DLC1: variants seen among roughly 807,000 people sequenced by gnomAD.
DLC1 encodes the protein rho GTPase-activating protein 7.
DLC1 carries 54 observed loss-of-function variants against 140.3 expected under a neutral mutation model. The observed-to-expected ratio is 0.38, with a 90% CI of 0.31 to 0.48. The LOEUF (loss-of-function observed/expected upper bound fraction) is 0.48, where lower values mean the gene tolerates loss of function less well. DLC1 is among the 20% of genes least tolerant of loss of function. The pLI is 0.96. For synonymous variants in DLC1, 986 were observed against 728.1 expected (o/e 1.35, Z -5.70); for missense variants, 2,536 against 1,907.0 (o/e 1.33, Z -6.14).
At chr8:13,088,794 T>A in intron 15 of DLC1, 90 bp from the exon 16 acceptor site, 4 of 1,068,734 alleles carry the variant, frequency 3.7e-6, no homozygotes, top group Non-Finnish European at 5.5e-6. Flanking sequence ...ACAATTTTAG[T>A]TACATATAAT....
intron 1 of DLC1, among the ~76,000 whole-genome samples, chr8:13,511,044 A>G (rs1802338890): frequency 6.6e-6 from 1 of 151,886 alleles, no homozygotes; most frequent in Admixed American, 6.6e-5. Flanking sequence ...ATAAGTGTTG[A>G]TAATTCCTGG....
intron 1 of DLC1, chr8:13,557,906 C>G (rs1259724459): frequency 1.3e-5 from 2 of 152,178 alleles, no homozygotes; most frequent in African/African-American, 4.8e-5. Context: ...GGGGCATACA[C>G]ACAAACCAGA....
chr8:13,185,863 C>T (rs1480257030), intron 5 of DLC1, among the ~76,000 whole-genome samples: 1 of 152,172 alleles, frequency 6.6e-6, no homozygotes, highest in Non-Finnish European at 1.5e-5. Flanking sequence ...AATCTCTCAG[C>T]ATTTGCTTGT....
At chr8:13,365,807 A>C (rs1835453752) in intron 4 of DLC1, among the ~76,000 whole-genome samples, 1 of 152,172 alleles carries the variant, frequency 6.6e-6, no homozygotes, top group Non-Finnish European at 1.5e-5. Flanking sequence ...TGCTAATGGA[A>C]ATGTCAACCT....
chr8:13,478,070 A>G (rs1296636361), intron 2 of DLC1, among the ~76,000 whole-genome samples: 5 of 152,216 alleles, frequency 3.3e-5, no homozygotes, highest in Non-Finnish European at 7.3e-5. Context: ...TCGCATTGCT[A>G]TAAAGAAATA....
chr8:13,406,048 C>A (rs369717647), intron 2 of DLC1, among the ~76,000 whole-genome samples: 2 of 146,626 alleles, frequency 1.4e-5, no homozygotes, highest in East Asian at 4.0e-4. Flanking sequence ...GCTCTGTCTC[C>A]CAGGCTGGAG....
intron 2 of DLC1, among the ~76,000 whole-genome samples, chr8:13,456,047 T>C (rs571342805): frequency 1.3e-5 from 2 of 152,322 alleles, no homozygotes; most frequent in South Asian, 4.1e-4. Context: ...TTCTAAAGAA[T>C]TAAAAAGCTT....
chr8:13,435,448 G>A (rs1358858583), intron 2 of DLC1, among the ~76,000 whole-genome samples: 4 of 152,110 alleles, frequency 2.6e-5, no homozygotes, highest in Non-Finnish European at 5.9e-5. Context: ...CGAGTAGCTG[G>A]GATTACAGGC....
chr8:13,417,658 C>T (rs528275763), intron 2 of DLC1, among the ~76,000 whole-genome samples: 2 of 152,078 alleles, frequency 1.3e-5, no homozygotes, highest in African/African-American at 2.4e-5. Context: ...GTGAATAGTG[C>T]CGCAATAAAC....
intron 1 of DLC1, among the ~76,000 whole-genome samples, chr8:13,542,898 A>T (rs1360259970): frequency 6.6e-6 from 1 of 152,120 alleles, no homozygotes; most frequent in Admixed American, 6.5e-5. Context: ...CTAGATAATT[A>T]CGTAGTCTAT....
At chr8:13,146,396 T>C (rs141500630) in intron 5 of DLC1, among the ~76,000 whole-genome samples, 8 of 152,270 alleles carry the variant, frequency 5.3e-5, no homozygotes, top group African/African-American at 1.9e-4. Context: ...ATTGTAGTGT[T>C]ATTATTGAAA....
intron 5 of DLC1, among the ~76,000 whole-genome samples, chr8:13,146,534 TTAATATTATTAA>T (rs991463921): frequency 1.3e-5 from 2 of 151,770 alleles, no homozygotes; most frequent in African/African-American, 4.8e-5. Flanking sequence ...CCAAATAATA[TTAATATTATTAA>T]TAATAATAGT....
chr8:13,341,357 C>T (rs1397968268), intron 4 of DLC1: 1 of 152,162 alleles, frequency 6.6e-6, no homozygotes, highest in Non-Finnish European at 1.5e-5. Context: ...CGGACATGTG[C>T]TATGCCTTCA....
At chr8:13,257,415 TG>T (rs1259727868) in intron 5 of DLC1, among the ~76,000 whole-genome samples, 1 of 133,908 alleles carries the variant, frequency 7.5e-6, no homozygotes, top group African/African-American at 2.9e-5. Context: ...GTAGCCTGGG[TG>T]ACAGAGCAAT....
intron 5 of DLC1, among the ~76,000 whole-genome samples, chr8:13,118,161 A>C (rs1265152837): frequency 6.6e-6 from 1 of 151,854 alleles, no homozygotes; most frequent in Non-Finnish European, 1.5e-5. Flanking sequence ...GGCAGGAGCC[A>C]CTGTGCCTGG....
At chr8:13,230,693 T>G (rs1829008127) in intron 5 of DLC1, among the ~76,000 whole-genome samples, 1 of 150,516 alleles carries the variant, frequency 6.6e-6, no homozygotes, top group Non-Finnish European at 1.5e-5. Flanking sequence ...ACCTCCCAGG[T>G]TCAAGCAATT....
intron 2 of DLC1, among the ~76,000 whole-genome samples, chr8:13,462,253 G>C (rs1454439839): frequency 6.6e-6 from 1 of 151,926 alleles, no homozygotes; most frequent in Non-Finnish European, 1.5e-5. Flanking sequence ...TTTTTTATTT[G>C]TCATTTTATC....
At chr8:13,202,672 T>A (rs865813870) in intron 5 of DLC1, among the ~76,000 whole-genome samples, 39 of 152,260 alleles carry the variant, frequency 2.6e-4, no homozygotes, top group South Asian at 2.1e-3. Context: ...AATTTTTTTT[T>A]AATTTTTAAT....
At chr8:13,213,747 CTTGA>C (rs1331820937) in intron 5 of DLC1, among the ~76,000 whole-genome samples, 1 of 151,482 alleles carries the variant, frequency 6.6e-6, no homozygotes, top group Non-Finnish European at 1.5e-5. Context: ...AATTTGGTAA[CTTGA>C]TGCGTTTCAT....
Sources: gnomAD v4.1 joint callset for allele counts (sites outside exome capture counted in the v4.1 genomes callset) on GRCh38, gnomAD v4.1.1 for gene constraint, MANE v1.5 for transcripts, NCBI Gene and HGNC (gene_info 2026-07-23, HGNC 2026-07-21) for gene names.